Variants in TGM2 observed in about 807,000 individuals in gnomAD.
The protein encoded by TGM2 is transglutaminase 2, also known as protein-glutamine gamma-glutamyltransferase 2.
Under a neutral mutation model 75.6 loss-of-function variants are expected in TGM2, and 53 were observed. The observed-to-expected ratio is 0.70, with a 90% CI of 0.56 to 0.88. The LOEUF (loss-of-function observed/expected upper bound fraction) is 0.88. Among genes scored for constraint, TGM2 ranks in the 40% least tolerant of loss-of-function variants. TGM2 has a pLI of 0.00. For synonymous variants in TGM2, 374 were observed against 381.1 expected, an observed-to-expected ratio of 0.98 and a Z score of 0.22; for missense variants, 842 against 928.5, an observed-to-expected ratio of 0.91 and a Z score of 1.21.
chr20:38,136,301 A>G (rs1568683850), intron 10 of TGM2, among the ~76,000 whole-genome samples: 1 of 152,234 alleles, frequency 6.6e-6, no homozygotes, highest in Non-Finnish European at 1.5e-5. Flanking sequence ...CCCAGACGCC[A>G]GCCCATGGGC....
chr20:38,150,987 G>A lies in TGM2; in HGVS notation c.504C>T (p.Tyr168=), dbSNP rs1312310426. 1.2e-6 allele frequency: 2 copies of A among 1,614,196 alleles called. No homozygotes were observed. The highest frequency in any genetic ancestry group is 4.5e-5 in the East Asian group (2 of 44,884). Residue 168 remains tyrosine (Y), a synonymous_variant, in exon 4 of 13, where the codon TAC becomes TAT. Coordinates refer to ENST00000361475, the MANE Select transcript of TGM2 (RefSeq NM_004613.4). ...TCTTGATGAACTTGGCCGAGCCCTG[G>A]TAGATAAAGCCCTGCTGGGTGAGGA... ...EYVLTQQGFI[Y]QGSAKFIKNI... is the part of the protein sequence containing the mutation.
At chr20:38,165,099 A>G (rs2067027) in intron 1 of TGM2, 90 bp downstream of exon 1, 925,469 of 1,598,882 alleles carry the variant, frequency 0.58, 277,137 homozygotes, top group Non-Finnish European at 0.62. Flanking sequence ...TGCTCTCCAA[A>G]TCAGGACTTA....
intron 1 of TGM2, among the ~76,000 whole-genome samples, chr20:38,163,919 G>T (rs1400533325): frequency 6.6e-6 from 1 of 152,136 alleles, no homozygotes; most frequent in Admixed American, 6.5e-5. Flanking sequence ...TCCGAAGAAG[G>T]GTTTCCAGAA....
chr20:38,144,467 A>C (rs539447185), intron 6 of TGM2, among the ~76,000 whole-genome samples: 2 of 152,300 alleles, frequency 1.3e-5, no homozygotes, highest in South Asian at 4.1e-4. Flanking sequence ...GTGCTGGCTG[A>C]TTCATGGACA....
In TGM2 at chr20:38,139,418, G is replaced by A; in HGVS notation, c.1336C>T (p.Pro446Ser). The change falls in exon 9 of 13, where the codon CCA (proline) becomes TCA (serine). Residue 446 changes from proline (P) to serine (S), a missense_variant. Physicochemically the swap from Pro to Ser is moderately conservative, Grantham distance 74. Transcript: ENST00000361475. Reference sequence around the variant, plus strand: ...AGACTCTGAGGGCACATACCCTCTGGGTATTTGTAGGTGTGGGTGATATCC... The same window carrying A: ...AGACTCTGAGGGCACATACCCTCTGAGTATTTGTAGGTGTGGGTGATATCC... ...REDITHTYKY[P>S]EGSSEEREAF... 6.2e-7 allele frequency: 1 copy of A among 1,614,076 alleles called. No individual in the cohort carries two copies. The highest frequency in any genetic ancestry group is 8.5e-7 in the Non-Finnish European group (1 of 1,180,010).
chr20:38,156,154 G>A (rs767188092), intron 2 of TGM2, 65 bp from the exon 3 acceptor site: 78 of 1,570,288 alleles, frequency 5.0e-5, no homozygotes, highest in Non-Finnish European at 6.2e-5. Flanking sequence ...GGGCACCTAC[G>A]TGGGGTCCCC....
At chr20:38,133,354 C>T (rs2074859838) in intron 10 of TGM2, 1 of 164,884 alleles carries the variant, frequency 6.1e-6, no homozygotes, top group African/African-American at 2.4e-5. Context: ...TCTGTTTCCC[C>T]TCTGTTTCCT....
intron 3 of TGM2, among the ~76,000 whole-genome samples, chr20:38,155,493 T>C (rs1456730317): frequency 6.6e-6 from 1 of 152,118 alleles, no homozygotes; most frequent in East Asian, 1.9e-4. Flanking sequence ...AGGCGTGCAC[T>C]ACCACACCCA....
At chr20:38,161,826 C>T (rs1016421165) in intron 1 of TGM2, among the ~76,000 whole-genome samples, 2 of 152,154 alleles carry the variant, frequency 1.3e-5, no homozygotes, top group Non-Finnish European at 2.9e-5. Flanking sequence ...AAAGGTCTTG[C>T]TTTGTTGCCC....
chr20:38,141,495 C>T, intron 7 of TGM2, 110 bp from the exon 8 acceptor site: 2 of 838,394 alleles, frequency 2.4e-6, no homozygotes, highest in Non-Finnish European at 2.0e-6. Flanking sequence ...CGCCTCGTCC[C>T]AAACTGAGCC....
In TGM2 at chr20:38,139,651, G is replaced by C; in HGVS notation, c.1103C>G (p.Thr368Arg). The C allele has an allele frequency of 6.2e-7, 1 of 1,614,112 alleles. No individual in the cohort carries two copies. Among genetic ancestry groups the C allele is most frequent in the Non-Finnish European group, 8.5e-7 (1 of 1,180,006 alleles). Residue 368 changes from threonine to arginine, a missense_variant, in exon 9 of 13, where the codon ACG becomes AGG. Coordinates refer to ENST00000361475, the MANE Select transcript of TGM2 (RefSeq NM_004613.4). Reference sequence around the variant, plus strand: ...AACTGGAACTGGGCCACAGCAGTACGTCCCTGGCAGAGGTAGAAAGGGGAA... The same window carrying C: ...AACTGGAACTGGGCCACAGCAGTACCTCCCTGGCAGAGGTAGAAAGGGGAA... ...DPTPQEKSEGTYCCGPVPVRA... is the reference protein window; with the variant it reads ...DPTPQEKSEGRYCCGPVPVRA...
intron 11 of TGM2, among the ~76,000 whole-genome samples, chr20:38,131,694 G>A (rs1020565364): frequency 2.6e-5 from 4 of 152,078 alleles, no homozygotes; most frequent in African/African-American, 4.8e-5. Flanking sequence ...GCTCACTGCC[G>A]CTCCCTCTGC....
chr20:38,159,378 G>A (rs182935727), intron 2 of TGM2, among the ~76,000 whole-genome samples: 1 of 152,136 alleles, frequency 6.6e-6, no homozygotes, highest in East Asian at 1.9e-4. Flanking sequence ...GTGAGAGGAG[G>A]GAGAGGAGCA....
intron 1 of TGM2, among the ~76,000 whole-genome samples, chr20:38,162,883 T>C (rs1240931965): frequency 1.3e-5 from 2 of 152,192 alleles, no homozygotes; most frequent in East Asian, 3.9e-4. Flanking sequence ...GTATGTTCAA[T>C]ATTCTCCAAA....
At chr20:38,158,476 G>A (rs879692146) in intron 2 of TGM2, among the ~76,000 whole-genome samples, 1 of 152,110 alleles carries the variant, frequency 6.6e-6, no homozygotes, top group Non-Finnish European at 1.5e-5. Flanking sequence ...GCTGGGATGG[G>A]GTGGGTGGGC....
intron 7 of TGM2, among the ~76,000 whole-genome samples, chr20:38,141,686 G>A (rs1009788958): frequency 8.6e-5 from 13 of 151,524 alleles, no homozygotes; most frequent in Non-Finnish European, 1.8e-4. Context: ...TTTTCTGTCC[G>A]TTCAGGGCTT....
At chr20:38,137,493 A>G (rs764306169) in intron 10 of TGM2, among the ~76,000 whole-genome samples, 17 of 152,226 alleles carry the variant, frequency 1.1e-4, no homozygotes, top group Non-Finnish European at 2.5e-4. Context: ...AACAAACTTT[A>G]GTTCTACGGT....
chr20:38,165,117 A>G, intron 1 of TGM2, 72 bp downstream of exon 1: 3 of 1,610,330 alleles, frequency 1.9e-6, no homozygotes, highest in Non-Finnish European at 1.7e-6. Flanking sequence ...TTAGGGATTC[A>G]GCTCCCACCG....
chr20:38,131,255 C>G (rs763339960), intron 11 of TGM2, 26 bp from the exon 12 acceptor site: 11 of 1,613,002 alleles, frequency 6.8e-6, no homozygotes, highest in Non-Finnish European at 8.5e-6. Context: ...GGGCAGATGT[C>G]AAGGGCAGGT....
Sources: gnomAD v4.1 joint callset for allele counts (sites outside exome capture counted in the v4.1 genomes callset) on GRCh38, gnomAD v4.1.1 for gene constraint, MANE v1.5 for transcripts, NCBI Gene and HGNC (gene_info 2026-07-23, HGNC 2026-07-21) for gene names.